The following PHF24 variants were observed in gnomAD, a reference collection of about 807,000 sequenced individuals.
PHF24 encodes the protein Galpha inhibitory interacting protein.
In PHF24, 25 loss-of-function variants were observed where a neutral mutation model predicts 42.6. The ratio of observed to expected loss-of-function variants is 0.59; its 90% CI spans 0.43 to 0.82. The LOEUF is 0.82. Among genes scored for constraint, PHF24 ranks in the 40% least tolerant of loss-of-function variants. PHF24 has a pLI of 0.00. For synonymous variants in PHF24, 185 were observed against 204.8 expected (o/e 0.90, Z 0.83); for missense variants, 470 against 538.1 (o/e 0.87, Z 1.25).
the PHF24 span, chr9:34,894,408 G>A: frequency 1.0e-5 from 4 of 398,540 alleles, no homozygotes; most frequent in Middle Eastern, 6.3e-4. Flanking sequence ...GACCAGACTA[G>A]CAGCTGGGAG....
At chr9:34,683,156 G>A in the PHF24 span, among the ~76,000 whole-genome samples, 5 of 151,770 alleles carry the variant, frequency 3.3e-5, no homozygotes, top group Admixed American at 6.6e-5. Flanking sequence ...TGCCTCCTGG[G>A]TTCAAGAGAT....
At chr9:34,887,828 A>AT in the PHF24 span, among the ~76,000 whole-genome samples, 6 of 151,390 alleles carry the variant, frequency 4.0e-5, no homozygotes, top group Admixed American at 1.3e-4. Context: ...GAGAGAGCAG[A>AT]TTTTTTTTTC....
At chr9:34,697,742 A>C in the PHF24 span, among the ~76,000 whole-genome samples, 4 of 152,196 alleles carry the variant, frequency 2.6e-5, no homozygotes, top group African/African-American at 7.2e-5. Flanking sequence ...TATTTTGTAC[A>C]CCTCCGAAGG....
intron 6 of PHF24, 72 bp downstream of exon 6, chr9:34,977,315 T>C (rs1827231086): frequency 6.0e-6 from 9 of 1,496,934 alleles, no homozygotes; most frequent in Non-Finnish European, 8.1e-6. Flanking sequence ...GGCCCTTCCA[T>C]ACCTCCCTGC....
chr9:34,815,779 G>A, the PHF24 span, among the ~76,000 whole-genome samples: 13 of 152,160 alleles, frequency 8.5e-5, no homozygotes, highest in African/African-American at 2.7e-4. Flanking sequence ...AATTTAGTAT[G>A]TTTCCATACT....
chr9:34,710,341 G>A, the PHF24 span, among the ~76,000 whole-genome samples: 36,777 of 152,008 alleles, frequency 0.24, 5,343 homozygotes, highest in South Asian at 0.34. Context: ...TCTATTCCCA[G>A]CTACTGCTTT....
chr9:34,694,159 CTTTTT>C, the PHF24 span, among the ~76,000 whole-genome samples: 9 of 66,120 alleles, frequency 1.4e-4, no homozygotes, highest in Admixed American at 4.3e-4. Flanking sequence ...TATCTCTATT[CTTTTT>C]TTTTTTTTTT....
the PHF24 span, among the ~76,000 whole-genome samples, chr9:34,718,002 A>C: frequency 0.017 from 2,524 of 151,988 alleles, 58 homozygotes; most frequent in African/African-American, 0.053. Flanking sequence ...GACTGTGTGT[A>C]TTTGATTCTT....
At chr9:34,736,007 A>G in the PHF24 span, among the ~76,000 whole-genome samples, 1 of 152,128 alleles carries the variant, frequency 6.6e-6, no homozygotes, top group African/African-American at 2.4e-5. Flanking sequence ...AAATTCTGGA[A>G]ATAGTAAGTA....
the PHF24 span, among the ~76,000 whole-genome samples, chr9:34,812,861 C>A: frequency 1.3e-5 from 2 of 150,266 alleles, no homozygotes. Flanking sequence ...TTGAGACTTC[C>A]TTTTTCTGTG....
At chr9:34,694,159 C>CT in the PHF24 span, among the ~76,000 whole-genome samples, 542 of 66,172 alleles carry the variant, frequency 8.2e-3, 58 homozygotes, top group East Asian at 0.047. Context: ...TATCTCTATT[C>CT]TTTTTTTTTT....
the PHF24 span, among the ~76,000 whole-genome samples, chr9:34,859,875 C>G: frequency 3.6e-3 from 548 of 152,126 alleles, 1 homozygote; most frequent in South Asian, 0.018. Flanking sequence ...GGTATTATAC[C>G]CTTATATTTT....
intron 7 of PHF24, 48 bp from the exon 8 acceptor site, chr9:34,977,967 C>A (rs756329360): frequency 7.0e-7 from 1 of 1,429,586 alleles, no homozygotes; most frequent in East Asian, 2.3e-5. Flanking sequence ...TCAGGGCTCA[C>A]GTGTCTTCAA....
chr9:34,896,464 A>T, the PHF24 span, among the ~76,000 whole-genome samples: 1 of 152,164 alleles, frequency 6.6e-6, no homozygotes, highest in African/African-American at 2.4e-5. Context: ...ATGGAGGCAA[A>T]TGAATGAGGC....
At chr9:34,809,081 T>G in the PHF24 span, among the ~76,000 whole-genome samples, 6,921 of 151,160 alleles carry the variant, frequency 0.046, 517 homozygotes, top group African/African-American at 0.16. The surrounding 1 kb of genome is among the most constrained non-coding windows in gnomAD (Gnocchi z 4.1). Context: ...TTAAAAACCA[T>G]AGTAAATACT....
chr9:34,974,327 ATCT>A (rs1487747490), intron 3 of PHF24, among the ~76,000 whole-genome samples: 1 of 152,262 alleles, frequency 6.6e-6, no homozygotes, highest in African/African-American at 2.4e-5. Flanking sequence ...TTTCTGAGGC[ATCT>A]TCTTACTTGA....
the PHF24 span, chr9:34,689,843 G>C: frequency 7.4e-6 from 12 of 1,614,062 alleles, no homozygotes; most frequent in Non-Finnish European, 8.5e-6. This position sits in a 1 kb window ranked among gnomAD's most constrained non-coding sequence, Gnocchi z 4.1. Flanking sequence ...GCTTCATCTA[G>C]AGGAGGAAGG....
the PHF24 span, among the ~76,000 whole-genome samples, chr9:34,720,211 G>A: frequency 3.9e-3 from 590 of 152,166 alleles, 5 homozygotes; most frequent in African/African-American, 0.013. Context: ...TTGGGAGGCC[G>A]AGGCGGGTGG....
At chr9:34,762,520 A>C in the PHF24 span, among the ~76,000 whole-genome samples, 64,484 of 134,334 alleles carry the variant, frequency 0.48, 15,454 homozygotes, top group Middle Eastern at 0.59. Context: ...TGTTCATGTC[A>C]TTTGCCCACT....
Sources: allele counts gnomAD v4.1 joint callset (sites outside exome capture counted in the v4.1 genomes callset), GRCh38; gene constraint gnomAD v4.1.1; non-coding constraint Gnocchi (gnomAD v3.1); transcripts MANE v1.5; gene names NCBI Gene and HGNC (gene_info 2026-07-23, HGNC 2026-07-21).